Variants in PTPRD observed in about 807,000 individuals in gnomAD.
The protein encoded by PTPRD is protein tyrosine phosphatase receptor type D.
In PTPRD, 34 loss-of-function variants were observed where a neutral mutation model predicts 214.5. The ratio of observed to expected loss-of-function variants is 0.16; its 90% CI spans 0.12 to 0.21. The LOEUF is 0.21. PTPRD is among the 10% of genes least tolerant of loss of function. PTPRD has a pLI of 1.00. For synonymous variants in PTPRD, 1,128 were observed against 845.7 expected (o/e 1.33, Z -5.79); for missense variants, 2,545 against 2,398.7 (o/e 1.06, Z -1.27).
intron 5 of PTPRD, among the ~76,000 whole-genome samples, chr9:9,865,236 G>A (rs2063683432): frequency 6.6e-6 from 1 of 152,188 alleles, no homozygotes; most frequent in Admixed American, 6.5e-5. Flanking sequence ...TACTGCTATT[G>A]TTTAAACGTC....
At chr9:9,299,434 A>T (rs1301123253) in intron 9 of PTPRD, among the ~76,000 whole-genome samples, 1 of 151,700 alleles carries the variant, frequency 6.6e-6, no homozygotes, top group African/African-American at 2.4e-5. Flanking sequence ...TGCATAACAA[A>T]GATTTTTCCA....
intron 10 of PTPRD, among the ~76,000 whole-genome samples, chr9:9,095,291 A>C (rs1248982031): frequency 6.6e-6 from 1 of 152,154 alleles, no homozygotes; most frequent in East Asian, 1.9e-4. Flanking sequence ...AAGGCATATA[A>C]ATAGAAAGAA....
rs754729325 is a variant in PTPRD, at chr9:8,315,807, C to G, written c.*2067G>C. ...GCTAAAATTAAACCAAAGTAGTATA[C>G]TCATACCAAAACTCTTTAAGAGTTC... On this transcript the variant is annotated 3_prime_UTR_variant, in exon 46 of 46. Transcript: ENST00000381196. 1 of 227,032 alleles carries G rather than the reference C, an allele frequency of 4.4e-6. No homozygotes were observed. Among genetic ancestry groups the G allele is most frequent in the African/African-American group, 2.2e-5 (1 of 44,926 alleles). 14.1% of individuals were successfully genotyped at this position (227,032 alleles called of 1,614,324 possible). A position where few individuals can be genotyped will look rare whatever the true frequency, so the allele number is the denominator to read the frequency against.
intron 2 of PTPRD, among the ~76,000 whole-genome samples, chr9:10,612,133 A>T (rs1414191308): frequency 6.6e-6 from 1 of 151,760 alleles, no homozygotes; most frequent in Non-Finnish European, 1.5e-5. Context: ...CCCTTGAACA[A>T]TAAACGTTTA....
intron 10 of PTPRD, among the ~76,000 whole-genome samples, chr9:9,182,716 G>A (rs2099928931): frequency 6.6e-6 from 1 of 151,930 alleles, no homozygotes; most frequent in African/African-American, 2.4e-5. Context: ...ATGAAACAAA[G>A]CTGTGTTAAT....
chr9:8,777,912 T>C (rs534638137), intron 11 of PTPRD, among the ~76,000 whole-genome samples: 9 of 152,312 alleles, frequency 5.9e-5, no homozygotes, highest in African/African-American at 2.2e-4. Context: ...ACATCCTCTA[T>C]ACAACAGAAG....
At chr9:9,275,092 T>C (rs1468669830) in intron 9 of PTPRD, among the ~76,000 whole-genome samples, 3 of 74,332 alleles carry the variant, frequency 4.0e-5, no homozygotes, top group African/African-American at 5.5e-5. Context: ...AATATATATG[T>C]TATATATATA....
At chr9:9,288,743 T>TAG (rs1569567088) in intron 9 of PTPRD, among the ~76,000 whole-genome samples, 1 of 151,920 alleles carries the variant, frequency 6.6e-6, no homozygotes, top group Non-Finnish European at 1.5e-5. Flanking sequence ...CCTTGAATTG[T>TAG]AGTTCCCATA....
At chr9:8,392,701 T>A (rs532127233) in intron 36 of PTPRD, among the ~76,000 whole-genome samples, 5 of 152,284 alleles carry the variant, frequency 3.3e-5, no homozygotes, top group African/African-American at 1.2e-4. Flanking sequence ...AGCCTCCTTC[T>A]GGCAAATCTC....
chr9:9,958,945 G>A (rs917076517), intron 4 of PTPRD, among the ~76,000 whole-genome samples: 3 of 152,052 alleles, frequency 2.0e-5, no homozygotes, highest in Admixed American at 6.5e-5. Context: ...AGGTTTGGTG[G>A]GCTTTTAAAA....
At chr9:10,248,843 A>G (rs1166481408) in intron 3 of PTPRD, among the ~76,000 whole-genome samples, 4 of 151,168 alleles carry the variant, frequency 2.6e-5, no homozygotes, top group Admixed American at 2.0e-4. Flanking sequence ...TGACCCCTGT[A>G]CATAAGCTTC....
chr9:10,032,859 T>G (rs1174489346), intron 4 of PTPRD, among the ~76,000 whole-genome samples: 1 of 152,020 alleles, frequency 6.6e-6, no homozygotes, highest in African/African-American at 2.4e-5. Flanking sequence ...TTACTATTAT[T>G]TATCTATAAA....
At chr9:8,351,739 G>C (rs1262024072) in intron 39 of PTPRD, among the ~76,000 whole-genome samples, 1 of 35,178 alleles carries the variant, frequency 2.8e-5, no homozygotes, top group Non-Finnish European at 4.8e-5. Flanking sequence ...GCTTGGCAAA[G>C]AGTAAAAAAA....
intron 10 of PTPRD, among the ~76,000 whole-genome samples, chr9:9,091,610 CAGTA>C (rs1374945655): frequency 1.6e-4 from 24 of 152,294 alleles, no homozygotes; most frequent in African/African-American, 5.5e-4. Flanking sequence ...CTAACACACT[CAGTA>C]AGTATTTGTG....
intron 2 of PTPRD, among the ~76,000 whole-genome samples, chr9:10,535,366 A>G (rs2057506298): frequency 6.6e-6 from 1 of 152,118 alleles, no homozygotes; most frequent in Middle Eastern, 3.2e-3. Flanking sequence ...TCTCCCTTAA[A>G]CAAACTAAAT....
At chr9:8,369,975 G>C (rs1159243863) in intron 39 of PTPRD, among the ~76,000 whole-genome samples, 1 of 151,970 alleles carries the variant, frequency 6.6e-6, no homozygotes, top group East Asian at 1.9e-4. Flanking sequence ...ATGTGGTTTA[G>C]AATAAAGCCA....
intron 8 of PTPRD, among the ~76,000 whole-genome samples, chr9:9,427,831 G>A (rs554103895): frequency 6.6e-6 from 1 of 152,142 alleles, no homozygotes; most frequent in Non-Finnish European, 1.5e-5. Context: ...ACGTGAAAGA[G>A]AAATAAAATC....
At position 9,275,073 on chromosome 9, in the gene PTPRD, TA is replaced by T. The variant is rs1258106644; in HGVS notation, c.-202-91711del. Among the ~76,000 whole-genome samples, 6 of 80,466 alleles carry T rather than the reference TA, an allele frequency of 7.5e-5. No homozygotes were observed. The East Asian group carries it at 1.4e-3, about 18-fold the overall frequency. 52.8% of individuals were successfully genotyped at this position (80,466 alleles called of 152,430 possible). On this transcript the variant is annotated intron_variant, in intron 9 of 45. Transcript: ENST00000381196. ...TATATATGTATATATATATTATATATATATATATAATATATATGTTATATAT... is the reference window on the plus strand; with the variant it reads ...TATATATGTATATATATATTATATATTATATATAATATATATGTTATATAT...
chr9:8,855,604 A>C (rs2097901586), intron 11 of PTPRD, among the ~76,000 whole-genome samples: 1 of 152,314 alleles, frequency 6.6e-6, no homozygotes, highest in African/African-American at 2.4e-5. Context: ...ACTGAGGGCT[A>C]TAAGAACAGA....
Sources: gnomAD v4.1 joint callset for allele counts (sites outside exome capture counted in the v4.1 genomes callset) on GRCh38, gnomAD v4.1.1 for gene constraint, MANE v1.5 for transcripts, NCBI Gene and HGNC (gene_info 2026-07-23, HGNC 2026-07-21) for gene names.